Variants in A2ML1 observed in about 807,000 individuals in gnomAD.
A2ML1 encodes alpha-2-macroglobulin-like protein 1.
A neutral mutation model predicts 181.9 loss-of-function variants in A2ML1; 161 were observed. The observed-to-expected ratio is 0.89, with a 90% CI of 0.78 to 1.01. A2ML1 has a LOEUF of 1.01. Among genes scored for constraint, A2ML1 ranks in the 50% least tolerant of loss-of-function variants. The probability of loss-of-function intolerance (pLI) is 0.00; values close to 1 mark genes in which losing one functional copy is unlikely to be tolerated. For synonymous variants in A2ML1, 663 were observed against 666.8 expected, an observed-to-expected ratio of 0.99 and a Z score of 0.09; for missense variants, 1,670 against 1,768.1, an observed-to-expected ratio of 0.94 and a Z score of 1.00.
chr12:8,843,333 C>G lies in A2ML1; in HGVS notation c.1448C>G (p.Pro483Arg), dbSNP rs1383291982. The part of the protein sequence containing the change: ...DYYIDPADAS[P>R]DQEISFSYYL... ...TACATCGACCCGGCCGATGCAAGCC[C>G]TGACCAAGAGATCAGCTTCTCCTAC... The change falls in exon 12 of 36, where the codon CCT becomes CGT. Residue 483 changes from proline to arginine, a missense_variant. Pro to Arg is a moderately radical substitution (Grantham distance 103). Coordinates refer to ENST00000299698, the MANE Select transcript of A2ML1 (RefSeq NM_144670.6). 2 of 1,614,132 alleles carry G rather than the reference C, an allele frequency of 1.2e-6. No individual in the cohort carries two copies. The highest frequency in any genetic ancestry group is 1.1e-5 in the South Asian group (1 of 91,076).
intron 4 of A2ML1, among the ~76,000 whole-genome samples, chr12:8,832,271 G>A (rs1436308987): frequency 6.6e-6 from 1 of 152,166 alleles, no homozygotes; most frequent in African/African-American, 2.4e-5. Context: ...CTCAGGCGCT[G>A]ATCTTGGGTT....
Position 8,845,329 on chromosome 12 carries a change from G to A in A2ML1, c.1477-113G>A. 3 of 1,448,750 alleles carry A rather than the reference G, an allele frequency of 2.1e-6. No homozygotes were observed. In the South Asian group the frequency reaches 3.5e-5, roughly 17 times the overall value. 89.7% of individuals were successfully genotyped at this position (1,448,750 alleles called of 1,614,324 possible). ...TGGGTGAGGTATTGACCCGGACTCTGAACTGTGAAAGGAACCTCTCCTCAT... is the reference window on the plus strand; with the variant it reads ...TGGGTGAGGTATTGACCCGGACTCTAAACTGTGAAAGGAACCTCTCCTCAT... On this transcript the variant is annotated intron_variant, in intron 12 of 35. Coordinates refer to ENST00000299698, the MANE Select transcript of A2ML1 (RefSeq NM_144670.6).
chr12:8,835,381 C>T (rs1024917862), intron 5 of A2ML1, 126 bp from the exon 6 acceptor site: 4 of 1,155,130 alleles, frequency 3.5e-6, no homozygotes, highest in South Asian at 1.5e-5. Context: ...TTCCTGGACA[C>T]AGACCACAGG....
chr12:8,869,375 G>T (rs1944544411), intron 33 of A2ML1, among the ~76,000 whole-genome samples, 172 bp downstream of exon 33: 1 of 152,088 alleles, frequency 6.6e-6, no homozygotes, highest in African/African-American at 2.4e-5. Flanking sequence ...ACACCCCATT[G>T]TGCCTCTAGA....
At chr12:8,849,820 A>T in intron 17 of A2ML1, 61 bp downstream of exon 17, 1 of 1,510,594 alleles carries the variant, frequency 6.6e-7, no homozygotes, top group Admixed American at 1.7e-5. Context: ...AACTCTGCAG[A>T]TTTCCTCTTG....
At chr12:8,823,906 C>A (rs375095251) in intron 3 of A2ML1, 24 bp downstream of exon 3, 1 of 1,594,484 alleles carries the variant, frequency 6.3e-7, no homozygotes. Flanking sequence ...ATTTGGGGTT[C>A]GACTAAAACC....
chr12:8,830,222 T>A (rs1943067173), intron 4 of A2ML1, among the ~76,000 whole-genome samples: 1 of 152,112 alleles, frequency 6.6e-6, no homozygotes, highest in South Asian at 2.1e-4. Flanking sequence ...TGGCTAATTT[T>A]TGTATTTTTA....
At chr12:8,854,381 C>G (rs773204533) in intron 21 of A2ML1, 132 bp downstream of exon 21, 4 of 1,375,098 alleles carry the variant, frequency 2.9e-6, no homozygotes, top group Non-Finnish European at 3.9e-6. Context: ...CCTTCCCTGG[C>G]CCCTTGAACA....
downstream of A2ML1, among the ~76,000 whole-genome samples, chr12:8,878,947 G>A (rs1445105800): frequency 1.3e-5 from 2 of 151,534 alleles, no homozygotes; most frequent in African/African-American, 4.9e-5. The surrounding 1 kb of genome is among the most constrained non-coding windows in gnomAD (Gnocchi z 4.4). Context: ...TGGGTGATAG[G>A]GTGAGACCTT....
chr12:8,863,988 G>A lies in A2ML1; in HGVS notation c.3697G>A (p.Gly1233Arg), dbSNP rs375981985. Residue 1233 changes from glycine (G) to arginine (R), a missense_variant, in exon 29 of 36, where the codon GGG (glycine) becomes AGG (arginine). Transcript: ENST00000299698. ...GTTGGCCAAGCAACACAATGCATAT[G>A]GGGGCTTCTCTTCTACTCAGGTAAA... is the stretch of plus-strand genomic sequence containing the variant. Reference protein sequence around the residue: ...AWLAKQHNAYGGFSSTQDTVV... With the variant: ...AWLAKQHNAYRGFSSTQDTVV... 6.8e-5 allele frequency: 109 copies of A among 1,611,984 alleles called. No homozygotes were observed. The highest frequency in any genetic ancestry group is 9.2e-5 in the Non-Finnish European group (108 of 1,179,690).
chr12:8,843,127 T>G lies in A2ML1; in HGVS notation c.1249-7T>G. ...GCTAAAATTCTCTCTCTCTCTTTTA[T>G]TCTCAGGGAAAGTTTCAAATGGAAG... On this transcript the variant is annotated splice_polypyrimidine_tract_variant and splice_region_variant and intron_variant, in intron 11 of 35. Coordinates refer to ENST00000299698, the MANE Select transcript of A2ML1 (RefSeq NM_144670.6). The G allele has an allele frequency of 6.2e-7, 1 of 1,613,370 alleles. No homozygotes were observed. The highest frequency in any genetic ancestry group is 1.1e-5 in the South Asian group (1 of 91,024).
chr12:8,881,786 TG>T (rs1445524978), downstream of A2ML1, among the ~76,000 whole-genome samples: 1 of 151,408 alleles, frequency 6.6e-6, no homozygotes, highest in East Asian at 1.9e-4. Context: ...CCGAGGCGGG[TG>T]GATCACGAGG....
At chr12:8,834,941 C>G in intron 5 of A2ML1, 1 of 524,206 alleles carries the variant, frequency 1.9e-6, no homozygotes, top group East Asian at 3.2e-5. Context: ...CCCCTAACTT[C>G]TCTGTGCCCA....
At chr12:8,879,444 T>G (rs968578539), downstream of A2ML1, among the ~76,000 whole-genome samples, 27 of 152,064 alleles carry the variant, frequency 1.8e-4, no homozygotes, top group Middle Eastern at 6.8e-3. Context: ...TGAGCTGGGA[T>G]TGCACCACTG....
At chr12:8,845,774 C>CT (rs1462664742) in intron 13 of A2ML1, among the ~76,000 whole-genome samples, 1 of 150,974 alleles carries the variant, frequency 6.6e-6, no homozygotes, top group Non-Finnish European at 1.5e-5. Context: ...GGCGTGAACC[C>CT]GGGAGGCGGA....
intron 10 of A2ML1, among the ~76,000 whole-genome samples, chr12:8,841,031 G>A (rs769619573): frequency 1.3e-5 from 2 of 151,684 alleles, no homozygotes; most frequent in African/African-American, 4.8e-5. Context: ...AGGAAGGAAG[G>A]AAGGAAAGAA....
Position 8,854,777 on chromosome 12 carries a change from C to CAG in A2ML1, c.2713-2_2713-1dup. On this transcript the variant is annotated splice_polypyrimidine_tract_variant and splice_region_variant and intron_variant, in intron 21 of 35. Transcript: ENST00000299698. ...TTTTTATCTGTGTCTCTCTTCATCG[C>CAG]AGCCTGAGGGAGTCCTGGTGGAGAA... is the stretch of plus-strand genomic sequence containing the variant. The CAG allele has an allele frequency of 6.2e-7, 1 of 1,614,134 alleles. No homozygotes were observed. The highest frequency in any genetic ancestry group is 1.1e-5 in the South Asian group (1 of 91,088).
In A2ML1 at chr12:8,845,442, T is replaced by C. The variant is rs200088686; in HGVS notation, c.1477T>C (p.Leu493=). ...TTGATTCTTTTCTTTTCTTCTTTAG[T>C]TAATAGGGAAAGGAAGTTTGGTGAT... ...PDQEISFSYY[L]IGKGSLVMEG... The change falls in exon 13 of 36, where the codon TTA becomes CTA. Residue 493 remains leucine (L), a splice_region_variant and synonymous_variant. Transcript: ENST00000299698. 1.2e-4 allele frequency: 200 copies of C among 1,614,070 alleles called. 1 individual carries two copies. The Middle Eastern group carries it at 8.2e-3, about 67-fold the overall frequency.
At chr12:8,829,026 G>A (rs1031399785) in intron 3 of A2ML1, among the ~76,000 whole-genome samples, 6 of 152,346 alleles carry the variant, frequency 3.9e-5, no homozygotes, top group Admixed American at 6.5e-5. Context: ...GGGGGATGGC[G>A]GGGAGGGGGT....
Sources: allele counts gnomAD v4.1 joint callset (sites outside exome capture counted in the v4.1 genomes callset), GRCh38; gene constraint gnomAD v4.1.1; non-coding constraint Gnocchi (gnomAD v3.1); transcripts MANE v1.5; gene names NCBI Gene and HGNC (gene_info 2026-07-23, HGNC 2026-07-21).